Variants in FAHD2B observed in about 807,000 individuals in gnomAD.
FAHD2B encodes oxaloacetate tautomerase FAHD2B, mitochondrial.
In FAHD2B, 26 loss-of-function variants were observed where a neutral mutation model predicts 33.7. The ratio of observed to expected loss-of-function variants is 0.77; its 90% CI spans 0.57 to 1.07. The LOEUF (loss-of-function observed/expected upper bound fraction) is 1.07, where lower values mean the gene tolerates loss of function less well. FAHD2B is among the 50% of genes least tolerant of loss of function. The probability of loss-of-function intolerance (pLI) is 0.00; values close to 1 mark genes in which losing one functional copy is unlikely to be tolerated. For missense variants in FAHD2B, 272 were observed against 388.1 expected (o/e 0.70, Z 2.51); for synonymous variants, 108 against 150.9 (o/e 0.72, Z 2.08).
chr2:97,092,471 A>G (rs1487400836), intron 1 of FAHD2B, among the ~76,000 whole-genome samples: 1 of 152,108 alleles, frequency 6.6e-6, no homozygotes, highest in Non-Finnish European at 1.5e-5. Context: ...TCACTTGGTC[A>G]TCTCCTCCCT....
intron 3 of FAHD2B, 42 bp downstream of exon 3, chr2:97,091,420 A>C: frequency 1.3e-6 from 2 of 1,522,926 alleles, no homozygotes; most frequent in Non-Finnish European, 8.8e-7. Flanking sequence ...GTGCAGGGGG[A>C]CCAGGGCAGC....
At chr2:97,093,471 CTTTTTTTT>C (rs34927915) in intron 1 of FAHD2B, among the ~76,000 whole-genome samples, 3 of 92,106 alleles carry the variant, frequency 3.3e-5, no homozygotes, top group Middle Eastern at 5.9e-3. Context: ...TGATTTAATT[CTTTTTTTT>C]TTTTTTTTTT....
At chr2:97,092,395 G>C (rs2032401073) in intron 1 of FAHD2B, among the ~76,000 whole-genome samples, 4 of 152,042 alleles carry the variant, frequency 2.6e-5, no homozygotes, top group South Asian at 4.2e-4. Flanking sequence ...CATTTCTCCT[G>C]ATAGAGAACA....
intron 6 of FAHD2B, among the ~76,000 whole-genome samples, chr2:97,084,910 CAA>C (rs11314789): frequency 6.8e-4 from 46 of 67,886 alleles, no homozygotes; most frequent in African/African-American, 9.3e-4. Context: ...AAGACCATGC[CAA>C]AAAAAAAAAA....
chr2:97,092,261 A>G (rs1242951527), intron 1 of FAHD2B, among the ~76,000 whole-genome samples: 1 of 152,134 alleles, frequency 6.6e-6, no homozygotes, highest in African/African-American at 2.4e-5. Context: ...AATTTTTTAA[A>G]TGCTATTTTG....
chr2:97,088,346 C>T (rs537515050), intron 4 of FAHD2B, among the ~76,000 whole-genome samples: 3 of 152,142 alleles, frequency 2.0e-5, no homozygotes, highest in African/African-American at 4.8e-5. Flanking sequence ...GGGAGGGACC[C>T]GGTGGGAGAT....
downstream of FAHD2B, chr2:97,082,758 G>A (rs1453263078): frequency 3.2e-6 from 5 of 1,539,466 alleles, no homozygotes; most frequent in African/African-American, 2.7e-5. Context: ...GAGACCTAGG[G>A]GTGAGAGGAG....
Position 97,094,825 on chromosome 2 carries a change from C to T in FAHD2B, c.-257G>A, listed in dbSNP as rs897527751. ...ACCGCATCCAGCCGGGGAACTACAGCAGCGGCGAAGTCACTGCCGCTCGGT... is the reference window on the plus strand; with the variant it reads ...ACCGCATCCAGCCGGGGAACTACAGTAGCGGCGAAGTCACTGCCGCTCGGT... On this transcript the variant is annotated 5_prime_UTR_variant, in exon 1 of 9. Transcript: ENST00000414820. 7.7e-6 allele frequency: 1 copy of T among 129,748 alleles called. No individual in the cohort carries two copies. Among genetic ancestry groups the T allele is most frequent in the African/African-American group, 3.0e-5 (1 of 33,248 alleles). 8.0% of individuals were successfully genotyped at this position (129,748 alleles called of 1,614,324 possible).
In FAHD2B at chr2:97,083,674, C is replaced by T. The variant is rs915541285; in HGVS notation, c.*81G>A. 1.2e-6 allele frequency: 2 copies of T among 1,610,106 alleles called. No individual in the cohort carries two copies. The highest frequency in any genetic ancestry group is 1.3e-5 in the African/African-American group (1 of 74,884). On this transcript the variant is annotated 3_prime_UTR_variant, in exon 9 of 9. Coordinates refer to ENST00000414820, the MANE Select transcript of FAHD2B (RefSeq NM_001320848.2). ...GGCTTGCAGGGCTGGCACCTGCCCACACCTGCCACTGGGCCTTTCCCTGGG... is the reference window on the plus strand; with the variant it reads ...GGCTTGCAGGGCTGGCACCTGCCCATACCTGCCACTGGGCCTTTCCCTGGG...
chr2:97,082,101 C>T, downstream of FAHD2B: 3 of 1,582,098 alleles, frequency 1.9e-6, no homozygotes, highest in South Asian at 3.4e-5. Context: ...AGACCGAGGG[C>T]CAGTACTCCA....
downstream of FAHD2B, chr2:97,082,662 G>A: frequency 6.4e-7 from 1 of 1,562,412 alleles, no homozygotes; most frequent in Non-Finnish European, 8.8e-7. Flanking sequence ...GTGGCTCCCT[G>A]TCCTCCCTAC....
downstream of FAHD2B, chr2:97,081,400 G>A: frequency 6.5e-7 from 1 of 1,549,088 alleles, no homozygotes. Flanking sequence ...CCATGTGCCT[G>A]GCTCTCCTGA....
Position 97,085,690 on chromosome 2 carries a change from G to A in FAHD2B, c.685+9C>T. 6.2e-7 allele frequency: 1 copy of A among 1,613,718 alleles called. No individual in the cohort carries two copies. The highest frequency in any genetic ancestry group is 1.3e-5 in the African/African-American group (1 of 75,052). ...GGTAGGTACCAGGGGGCAGGGACCAGGGACCTACCTGCTACACTGTCCTTG... is the reference window on the plus strand; with the variant it reads ...GGTAGGTACCAGGGGGCAGGGACCAAGGACCTACCTGCTACACTGTCCTTG... On this transcript the variant is annotated intron_variant, in intron 6 of 8. Coordinates refer to ENST00000414820, the MANE Select transcript of FAHD2B (RefSeq NM_001320848.2).
At position 97,091,717 on chromosome 2, in the gene FAHD2B, A is replaced by G; in HGVS notation, c.-6-5T>C. 9 of 1,605,950 alleles carry G rather than the reference A, an allele frequency of 5.6e-6. No homozygotes were observed. Among genetic ancestry groups the G allele is most frequent in the Non-Finnish European group, 7.7e-6 (9 of 1,174,702 alleles). On this transcript the variant is annotated splice_polypyrimidine_tract_variant and splice_region_variant and intron_variant, in intron 2 of 8. Transcript: ENST00000414820. Reference sequence around the variant, plus strand: ...ACCAGACACCAGCATCAGAGCCTGCAGAGAAAAACACAGGATCCAGGAGAT... The same window carrying G: ...ACCAGACACCAGCATCAGAGCCTGCGGAGAAAAACACAGGATCCAGGAGAT...
intron 6 of FAHD2B, among the ~76,000 whole-genome samples, chr2:97,084,628 C>A (rs1167699365): frequency 6.6e-6 from 1 of 152,082 alleles, no homozygotes; most frequent in Admixed American, 6.6e-5. Flanking sequence ...CCGGGCAGGG[C>A]CAAGCGTGGT....
Position 97,091,479 on chromosome 2 carries a change from G to A in FAHD2B, c.228C>T (p.Thr76=), listed in dbSNP as rs753683459. 2 of 1,612,600 alleles carry A rather than the reference G, an allele frequency of 1.2e-6. No individual in the cohort carries two copies. Among genetic ancestry groups the A allele is most frequent in the East Asian group, 2.2e-5 (1 of 44,814 alleles). The change falls in exon 3 of 9, where the codon ACC becomes ACT. Residue 76 remains threonine, a synonymous_variant. Transcript: ENST00000414820. ...TTACTTACCTTCTTGCCACTGAGAG[G>A]GTGGCCTCTCCCTGCTCTAGGAACT... is the stretch of plus-strand genomic sequence containing the variant. ...MTQFLEQGEA[T]LSVARRALAA... is the part of the protein sequence containing the mutation.
chr2:97,085,550 G>A (rs2031918959), intron 6 of FAHD2B, 149 bp downstream of exon 6: 1 of 1,306,030 alleles, frequency 7.7e-7, no homozygotes, highest in Admixed American at 2.8e-5. Context: ...ACTGGTGGCT[G>A]AGGATAAAAG....
At chr2:97,091,203 T>C (rs541021075) in intron 3 of FAHD2B, among the ~76,000 whole-genome samples, 970 of 95,156 alleles carry the variant, frequency 0.01, 43 homozygotes, top group East Asian at 0.037. Flanking sequence ...TGATGAAGTA[T>C]AGAGTCCTGG....
intron 1 of FAHD2B, among the ~76,000 whole-genome samples, chr2:97,092,630 A>G (rs2032416703): frequency 6.6e-6 from 1 of 152,090 alleles, no homozygotes; most frequent in Non-Finnish European, 1.5e-5. Context: ...ATGCTTGTTA[A>G]CTTCAGGAGA....
Sources: allele counts gnomAD v4.1 joint callset (sites outside exome capture counted in the v4.1 genomes callset), GRCh38; gene constraint gnomAD v4.1.1; transcripts MANE v1.5; gene names NCBI Gene and HGNC (gene_info 2026-07-23, HGNC 2026-07-21).